The following OSBP2 variants were observed in gnomAD, a reference collection of about 807,000 sequenced individuals.
OSBP2 encodes the protein oxysterol-binding protein 2.
OSBP2 carries 66 observed loss-of-function variants against 96.0 expected under a neutral mutation model. The observed-to-expected ratio is 0.69, with a 90% CI of 0.56 to 0.84. OSBP2 has a LOEUF of 0.84. Ranked by LOEUF, OSBP2 falls within the 40% of genes least tolerant of loss-of-function variation. The pLI is 0.00. For synonymous variants in OSBP2, 525 were observed against 520.9 expected (o/e 1.01, Z -0.11); for missense variants, 1,038 against 1,222.7 (o/e 0.85, Z 2.25).
At chr22:30,778,584 G>A (rs1051676643) in intron 2 of OSBP2, among the ~76,000 whole-genome samples, 1 of 152,048 alleles carries the variant, frequency 6.6e-6, no homozygotes, top group African/African-American at 2.4e-5. Flanking sequence ...CACTTTCCTA[G>A]GGAAAATTCT....
intron 2 of OSBP2, among the ~76,000 whole-genome samples, chr22:30,803,993 C>A (rs557279226): frequency 6.6e-6 from 1 of 152,320 alleles, no homozygotes; most frequent in Admixed American, 6.5e-5. Context: ...TACAGCTGCC[C>A]CCCTTCTGCC....
chr22:30,778,086 C>A (rs2090459146), intron 2 of OSBP2, among the ~76,000 whole-genome samples: 1 of 151,448 alleles, frequency 6.6e-6, no homozygotes, highest in East Asian at 1.9e-4. Context: ...ACTCTGCCTC[C>A]CGGGTTCAAG....
chr22:30,746,195 G>A lies in OSBP2; in HGVS notation c.853+4826G>A, dbSNP rs371477554. On this transcript the variant is annotated intron_variant, in intron 2 of 13. Transcript: ENST00000332585. ...GCACTTTGGGAGGCCTAGGAGGGAG[G>A]ATCAACTGAGCCCAGGAGTTTAACA... Among the ~76,000 whole-genome samples, 47 of 152,104 alleles carry A rather than the reference G, an allele frequency of 3.1e-4. 1 individual carries two copies. The East Asian group carries it at 6.4e-3, about 21-fold the overall frequency.
intron 2 of OSBP2, among the ~76,000 whole-genome samples, chr22:30,798,407 G>T (rs1294820043): frequency 1.3e-5 from 2 of 152,094 alleles, no homozygotes; most frequent in Admixed American, 1.3e-4. Flanking sequence ...TGTCCTTGGA[G>T]GCATAAATTT....
In OSBP2 at chr22:30,893,697, G is replaced by A; in HGVS notation, c.2154G>A (p.Leu718=). 1 of 1,614,202 alleles carries A rather than the reference G, an allele frequency of 6.2e-7. No homozygotes were observed. The highest frequency in any genetic ancestry group is 8.5e-7 in the Non-Finnish European group (1 of 1,180,026). Residue 718 remains leucine, a synonymous_variant, in exon 11 of 14, where the codon CTG becomes CTA. Transcript: ENST00000332585. ...ATGACCGGTGCCAGCTGAAGTTCCT[G>A]CCCTACAGCTACTTCTCCAAAGAGG... ...KTNDRCQLKF[L]PYSYFSKEAA...
At chr22:30,832,587 G>A (rs1186600804) in intron 2 of OSBP2, among the ~76,000 whole-genome samples, 4 of 152,170 alleles carry the variant, frequency 2.6e-5, no homozygotes. Flanking sequence ...ATTGTGCAAA[G>A]CAGGTAATTT....
chr22:30,772,367 C>T (rs867287961), intron 2 of OSBP2, among the ~76,000 whole-genome samples: 17 of 152,158 alleles, frequency 1.1e-4, no homozygotes, highest in East Asian at 1.9e-4. Flanking sequence ...GTCTTGGTAC[C>T]GTGCCTGTCG....
chr22:30,742,946 G>A (rs1444941056), intron 2 of OSBP2, among the ~76,000 whole-genome samples: 1 of 152,242 alleles, frequency 6.6e-6, no homozygotes, highest in Non-Finnish European at 1.5e-5. Context: ...GCCATGGAAT[G>A]TTAACAGGAG....
intron 2 of OSBP2, among the ~76,000 whole-genome samples, chr22:30,778,206 T>G (rs1474465855): frequency 3.8e-5 from 5 of 130,430 alleles, no homozygotes; most frequent in African/African-American, 1.4e-4. Flanking sequence ...AGATGGGGTT[T>G]CAACATGTTG....
chr22:30,722,231 A>C (rs1016686342), intron 1 of OSBP2, among the ~76,000 whole-genome samples: 1 of 152,204 alleles, frequency 6.6e-6, no homozygotes, highest in African/African-American at 2.4e-5. Context: ...GCTGTTTGTC[A>C]TGGCTATACA....
At chr22:30,783,125 C>G (rs1275793912) in intron 2 of OSBP2, among the ~76,000 whole-genome samples, 2 of 123,212 alleles carry the variant, frequency 1.6e-5, no homozygotes, top group African/African-American at 6.1e-5. Flanking sequence ...CAGGGAGAAT[C>G]ACAGGGCAAT....
At chr22:30,843,064 G>A (rs1298314461) in intron 2 of OSBP2, among the ~76,000 whole-genome samples, 1 of 152,168 alleles carries the variant, frequency 6.6e-6, no homozygotes, top group African/African-American at 2.4e-5. Context: ...GATTACAGGT[G>A]TGAGCCACCG....
intron 1 of OSBP2, among the ~76,000 whole-genome samples, chr22:30,721,671 C>G (rs1256604584): frequency 6.6e-6 from 1 of 151,252 alleles, no homozygotes; most frequent in African/African-American, 2.4e-5. Context: ...GTCTATAATA[C>G]TGGAGGCCAT....
At chr22:30,899,402 CAAA>C (rs59384656) in intron 12 of OSBP2, among the ~76,000 whole-genome samples, 8 of 86,572 alleles carry the variant, frequency 9.2e-5, no homozygotes, top group Non-Finnish European at 7.1e-5. Flanking sequence ...GACCCTATCT[CAAA>C]AAAAAAAAAA....
At chr22:30,885,902 T>C (rs2147145048) in intron 3 of OSBP2, among the ~76,000 whole-genome samples, 1 of 152,334 alleles carries the variant, frequency 6.6e-6, no homozygotes, top group Non-Finnish European at 1.5e-5. Flanking sequence ...TGGGTGCTGG[T>C]TGCTGGGCGG....
intron 2 of OSBP2, among the ~76,000 whole-genome samples, chr22:30,757,956 G>T (rs1393968692): frequency 1.3e-5 from 2 of 152,138 alleles, no homozygotes; most frequent in Non-Finnish European, 1.5e-5. Context: ...TTTCACATCT[G>T]CCCACTGCCC....
Position 30,890,763 on chromosome 22 carries a change from GCTGACAGAGGACCTGGAGT to G in OSBP2, c.1660_1678del (p.Leu554ThrfsTer65). ...ATGAGCCCCTGTCCATGCTCCAGCG[GCTGACAGAGGACCTGGAGT>G]ACCACCACCTGCTGGACAAGGCAGT... On this transcript the variant is annotated frameshift_variant, in exon 8 of 14. Transcript: ENST00000332585. LOFTEE classifies it high-confidence loss of function. This position sits in a 1 kb window ranked among gnomAD's most constrained non-coding sequence, Gnocchi z 4.4. 6.2e-7 allele frequency: 1 copy of G among 1,613,186 alleles called. No homozygotes were observed. Among genetic ancestry groups the G allele is most frequent in the Non-Finnish European group, 8.5e-7 (1 of 1,179,986 alleles).
rs1388257608 is a variant in OSBP2 at position 30,890,327 on chromosome 22, A to G, written c.1624-401A>G. 6.6e-6 allele frequency among the ~76,000 whole-genome samples: 1 copy of G among 151,640 alleles called. No individual in the cohort carries two copies. The highest frequency in any genetic ancestry group is 1.9e-4 in the East Asian group (1 of 5,154). ...AACCCATCCTGTGCCGGGCCCCATC[A>G]CAGCTCGCAACATGGGGAAGACCCA... is the stretch of plus-strand genomic sequence containing the variant. On this transcript the variant is annotated intron_variant, in intron 7 of 13. Transcript: ENST00000332585. The surrounding 1 kb of genome is among the most constrained non-coding windows in gnomAD (Gnocchi z 4.4).
At chr22:30,762,828 C>T (rs2090223037) in intron 2 of OSBP2, among the ~76,000 whole-genome samples, 1 of 152,196 alleles carries the variant, frequency 6.6e-6, no homozygotes, top group Admixed American at 6.5e-5. Context: ...CTCCTTGGCT[C>T]AGCCCCTCGA....
Sources: allele counts gnomAD v4.1 joint callset (sites outside exome capture counted in the v4.1 genomes callset), GRCh38; gene constraint gnomAD v4.1.1; non-coding constraint Gnocchi (gnomAD v3.1); transcripts MANE v1.5; gene names NCBI Gene and HGNC (gene_info 2026-07-23, HGNC 2026-07-21).